Variants in QSER1 observed in about 807,000 individuals in gnomAD.
QSER1 encodes the protein glutamine and serine-rich protein 1.
Under a neutral mutation model 158.5 loss-of-function variants are expected in QSER1, and 49 were observed. The observed-to-expected ratio is 0.31, with a 90% confidence interval of 0.25 to 0.39. QSER1 has a LOEUF of 0.39. QSER1 is among the 10% of genes least tolerant of loss of function. The pLI is 1.00. For missense variants in QSER1, 1,754 were observed against 2,010.3 expected, an observed-to-expected ratio of 0.87 and a Z score of 2.44; for synonymous variants, 650 against 715.5, an observed-to-expected ratio of 0.91 and a Z score of 1.46.
At chr11:32,917,558 GCT>G (rs1851848460) in intron 1 of QSER1, among the ~76,000 whole-genome samples, 1 of 152,094 alleles carries the variant, frequency 6.6e-6, no homozygotes, top group African/African-American at 2.4e-5. Context: ...AGGTGTGGTG[GCT>G]CATGTCTGTA....
At chr11:32,959,760 CGTTTTTA>C (rs1270409135) in intron 8 of QSER1, among the ~76,000 whole-genome samples, 1 of 151,828 alleles carries the variant, frequency 6.6e-6, no homozygotes, top group Non-Finnish European at 1.5e-5. Context: ...TTAAATTTAC[CGTTTTTA>C]TTTTTTATTT....
At chr11:32,904,489 C>G (rs1027111839) in intron 1 of QSER1, among the ~76,000 whole-genome samples, 1 of 151,740 alleles carries the variant, frequency 6.6e-6, no homozygotes, top group Admixed American at 6.6e-5. Flanking sequence ...TGCGCCCAGC[C>G]AGTAGTAAGC....
chr11:32,954,490 G>A (rs563619001), intron 5 of QSER1, among the ~76,000 whole-genome samples: 4 of 152,094 alleles, frequency 2.6e-5, no homozygotes, highest in African/African-American at 7.2e-5. Flanking sequence ...GGAGAAAATC[G>A]TTATTTATAT....
intron 7 of QSER1, among the ~76,000 whole-genome samples, chr11:32,956,552 AGAATTATTATTGTG>A (rs756000786): frequency 4.7e-4 from 71 of 152,360 alleles, no homozygotes; most frequent in Non-Finnish European, 7.9e-4. Flanking sequence ...TGTACACAGT[AGAATTATTATTGTG>A]TATTAATGTG....
At chr11:32,953,515 G>A (rs544649880) in intron 4 of QSER1, among the ~76,000 whole-genome samples, 2 of 151,792 alleles carry the variant, frequency 1.3e-5, no homozygotes, top group African/African-American at 2.4e-5. Flanking sequence ...CACTATGCTC[G>A]GCTAATTTTT....
Position 32,893,494 on chromosome 11 carries a change from G to T in QSER1, c.209+160G>T, listed in dbSNP as rs1851513010. On this transcript the variant is annotated intron_variant, in intron 1 of 12. Coordinates refer to ENST00000650167, the MANE Select transcript of QSER1 (RefSeq NM_001076786.3). This position sits in a 1 kb window ranked among gnomAD's most constrained non-coding sequence, Gnocchi z 4.7. ...GGGGAGGCGGCTGATGACTCCTACG[G>T]GGTGGTCGCGGGTAGGTGGGGGCGC... 6.6e-6 allele frequency among the ~76,000 whole-genome samples: 1 copy of T among 152,154 alleles called. No individual in the cohort carries two copies. Among genetic ancestry groups the T allele is most frequent in the Non-Finnish European group, 1.5e-5 (1 of 68,012 alleles).
At chr11:32,922,422 A>G (rs1408129153) in intron 1 of QSER1, among the ~76,000 whole-genome samples, 1 of 152,080 alleles carries the variant, frequency 6.6e-6, no homozygotes, top group Middle Eastern at 3.2e-3. Flanking sequence ...TACTTTTACT[A>G]AAGATTTCTA....
intron 4 of QSER1, among the ~76,000 whole-genome samples, chr11:32,947,892 T>G (rs1000531604): frequency 3.9e-5 from 6 of 152,250 alleles, no homozygotes; most frequent in Non-Finnish European, 1.5e-5. Flanking sequence ...TTTAATACTG[T>G]CATACTAATG....
chr11:32,966,623 C>G (rs1051037100), intron 9 of QSER1, among the ~76,000 whole-genome samples, 186 bp downstream of exon 9: 4 of 152,232 alleles, frequency 2.6e-5, no homozygotes, highest in Admixed American at 2.0e-4. Context: ...AATATTTGAA[C>G]TTTTATTGCT....
chr11:32,950,198 G>A (rs1328095036), intron 4 of QSER1, among the ~76,000 whole-genome samples: 3 of 151,870 alleles, frequency 2.0e-5, no homozygotes, highest in East Asian at 1.9e-4. Flanking sequence ...AGGTTCAAGC[G>A]ATTCTCCTGC....
intron 8 of QSER1, among the ~76,000 whole-genome samples, chr11:32,962,341 G>A (rs1354544193): frequency 6.6e-6 from 1 of 152,048 alleles, no homozygotes; most frequent in African/African-American, 2.4e-5. Flanking sequence ...CAGATCCTTT[G>A]CCCATTTTAA....
At chr11:32,907,566 A>T (rs1351390947) in intron 1 of QSER1, among the ~76,000 whole-genome samples, 1 of 152,206 alleles carries the variant, frequency 6.6e-6, no homozygotes, top group South Asian at 2.1e-4. Flanking sequence ...TGAAAAAAAC[A>T]TTTCGTAGCA....
chr11:32,932,362 A>G lies in QSER1; in HGVS notation c.1104A>G (p.Gly368=). 1 of 1,612,422 alleles carries G rather than the reference A, an allele frequency of 6.2e-7. No individual in the cohort carries two copies. Among genetic ancestry groups the G allele is most frequent in the Non-Finnish European group, 8.5e-7 (1 of 1,180,018 alleles). Residue 368 remains glycine (G), a synonymous_variant, in exon 4 of 13, where the codon GGA becomes GGG. Coordinates refer to ENST00000650167, the MANE Select transcript of QSER1 (RefSeq NM_001076786.3). ...CATCTTTATCCTGTAGCCCAATTGG[A>G]GATTCCACTCAGGTGAGCAACGGAG... ...RQSSLSCSPI[G]DSTQVSNGGL... is the part of the protein sequence containing the mutation.
At chr11:32,955,703 A>G (rs1325444965) in intron 6 of QSER1, among the ~76,000 whole-genome samples, 3 of 152,132 alleles carry the variant, frequency 2.0e-5, no homozygotes, top group East Asian at 1.9e-4. Flanking sequence ...AGGCTCCTTT[A>G]TATTGATTAT....
At position 32,933,921 on chromosome 11, in the gene QSER1, G is replaced by A; in HGVS notation, c.2663G>A (p.Ser888Asn). The A allele has an allele frequency of 1.2e-6, 2 of 1,613,956 alleles. No homozygotes were observed. Among genetic ancestry groups the A allele is most frequent in the Non-Finnish European group, 1.7e-6 (2 of 1,179,946 alleles). ...KASLQAQRVQ[S>N]PQQIVHPFLQ... The stretch of plus-strand genomic sequence containing the variant: ...TCTTTACAAGCACAGCGTGTTCAAA[G>A]CCCTCAACAAATAGTACATCCCTTC... Residue 888 changes from serine (S) to asparagine (N), a missense_variant, in exon 4 of 13, where the codon AGC becomes AAC. Around this residue, in one of 2 missense-constraint regions of QSER1, gnomAD observed 1,707 missense variants for 1,919.6 expected, o/e 0.89. Coordinates refer to ENST00000650167, the MANE Select transcript of QSER1 (RefSeq NM_001076786.3).
intron 4 of QSER1, among the ~76,000 whole-genome samples, chr11:32,949,778 G>A (rs1852392213): frequency 6.6e-6 from 1 of 152,292 alleles, no homozygotes; most frequent in African/African-American, 2.4e-5. Flanking sequence ...CTTTTCCCTT[G>A]AGTGGGAAAT....
In QSER1 at chr11:32,932,130, C is replaced by T. The variant is rs1475669767; in HGVS notation, c.872C>T (p.Thr291Ile). The T allele has an allele frequency of 6.2e-7, 1 of 1,614,184 alleles. No homozygotes were observed. Among genetic ancestry groups the T allele is most frequent in the Non-Finnish European group, 8.5e-7 (1 of 1,180,026 alleles). Residue 291 changes from threonine (T) to isoleucine (I), a missense_variant, in exon 4 of 13, where the codon ACT (threonine) becomes ATT (isoleucine). Physicochemically the swap from Thr to Ile is moderately conservative, Grantham distance 89 (BLOSUM62 -1). This residue lies in a region of QSER1 where 1,707 missense variants were observed against 1,919.6 expected (regional missense o/e 0.89). Transcript: ENST00000650167. ...TCAGCACTTGGGGGATCCCAGCAGACTCCTCAAGCCTACAGTTCAACTCTC... is the reference window on the plus strand; with the variant it reads ...TCAGCACTTGGGGGATCCCAGCAGATTCCTCAAGCCTACAGTTCAACTCTC... ...LPSALGGSQQTPQAYSSTLFT... is the reference protein window; with the variant it reads ...LPSALGGSQQIPQAYSSTLFT...
chr11:32,900,704 A>G (rs1338043081), intron 1 of QSER1, among the ~76,000 whole-genome samples: 1 of 152,166 alleles, frequency 6.6e-6, no homozygotes, highest in Non-Finnish European at 1.5e-5. Flanking sequence ...GAAACATGCT[A>G]AGATTATTTG....
chr11:32,904,567 GA>G (rs1851667242), intron 1 of QSER1, among the ~76,000 whole-genome samples: 1 of 150,850 alleles, frequency 6.6e-6, no homozygotes, highest in African/African-American at 2.4e-5. Context: ...AGAGGTAAAT[GA>G]GAGGATGTGG....
Sources: allele counts gnomAD v4.1 joint callset (sites outside exome capture counted in the v4.1 genomes callset), GRCh38; gene constraint gnomAD v4.1.1; regional missense constraint gnomAD v4.1.1; non-coding constraint Gnocchi (gnomAD v3.1); transcripts MANE v1.5; gene names NCBI Gene and HGNC (gene_info 2026-07-23, HGNC 2026-07-21).